ABR: variants seen among roughly 807,000 people sequenced by gnomAD.
ABR encodes ABR activator of RhoGEF and GTPase.
In ABR, 35 loss-of-function variants were observed where a neutral mutation model predicts 107.2. That is an observed-to-expected ratio of 0.33 (90% CI 0.25 to 0.43). ABR has a LOEUF of 0.43. ABR is among the 20% of genes least tolerant of loss of function. The pLI, the probability that ABR is intolerant of heterozygous loss-of-function variation, is 1.00. For missense variants in ABR, 815 were observed against 1,115.2 expected (o/e 0.73, Z 3.83); for synonymous variants, 498 against 462.0 (o/e 1.08, Z -1.00).
At chr17:1,028,102 C>T (rs182515157) in intron 16 of ABR, among the ~76,000 whole-genome samples, 167 of 152,060 alleles carry the variant, frequency 1.1e-3, no homozygotes, top group Non-Finnish European at 1.1e-3. Context: ...TTTCCTCCCC[C>T]CACCCCAAGA....
chr17:1,029,159 A>G (rs2072494938), intron 16 of ABR, among the ~76,000 whole-genome samples: 1 of 151,970 alleles, frequency 6.6e-6, no homozygotes, highest in Non-Finnish European at 1.5e-5. Context: ...GCGAAGTTCA[A>G]TACCGAGAGC....
At chr17:1,206,287 G>A (rs757768363) in intron 1 of ABR, among the ~76,000 whole-genome samples, 11 of 152,116 alleles carry the variant, frequency 7.2e-5, no homozygotes, top group Non-Finnish European at 1.3e-4. Context: ...GGGTTGTTGC[G>A]TGCACAACCG....
intron 1 of ABR, among the ~76,000 whole-genome samples, chr17:1,225,617 A>G (rs1432780228): frequency 1.3e-5 from 2 of 152,146 alleles, no homozygotes; most frequent in African/African-American, 2.4e-5. Context: ...ACGCCACTGC[A>G]CTCCAGTCTA....
At chr17:1,048,622 G>GC (rs1187415552) in intron 16 of ABR, among the ~76,000 whole-genome samples, 2 of 125,030 alleles carry the variant, frequency 1.6e-5, no homozygotes, top group African/African-American at 5.6e-5. Context: ...GCGCCCAGCT[G>GC]CGCCTGGATC....
Position 1,100,720 on chromosome 17 carries a change from C to G in ABR, c.262G>C (p.Gly88Arg), listed in dbSNP as rs2037805271. ...GLAPGVEAGK[G>R]LEMRKLVLSG... ...AGAACCAGCTTCCTCATCTCCAGGC[C>G]TTTCCCTGCTTCCACCTGCACAAAC... Residue 88 changes from glycine to arginine, a missense_variant, in exon 3 of 23, where the codon GGC becomes CGC. Gly to Arg is a moderately radical substitution (Grantham distance 125, BLOSUM62 -2). Coordinates refer to ENST00000302538, the MANE Select transcript of ABR (RefSeq NM_021962.5). The G allele has an allele frequency of 2.5e-6, 4 of 1,614,094 alleles. No individual in the cohort carries two copies. The African/African-American group carries it at 4.0e-5, about 16-fold the overall frequency.
At chr17:1,147,692 T>TAC (rs1039382154) in intron 1 of ABR, among the ~76,000 whole-genome samples, 27 of 152,174 alleles carry the variant, frequency 1.8e-4, no homozygotes, top group African/African-American at 5.8e-4. Flanking sequence ...CATGACCGGC[T>TAC]ACCCTAACAC....
Position 1,009,666 on chromosome 17 carries a change from C to T in ABR, c.2342+13G>A, listed in dbSNP as rs773104435. ...GGGACTGAGGAGGTGGGGTTGGGGC[C>T]GCTCCCCGTTACCTTTTCAAGTGTT... On this transcript the variant is annotated intron_variant, in intron 21 of 22. Transcript: ENST00000302538. 38 of 1,609,940 alleles carry T rather than the reference C, an allele frequency of 2.4e-5. No individual in the cohort carries two copies. Among genetic ancestry groups the T allele is most frequent in the Admixed American group, 2.0e-4 (12 of 59,992 alleles).
intron 5 of ABR, among the ~76,000 whole-genome samples, chr17:1,082,523 C>T (rs554853969): frequency 6.7e-6 from 1 of 150,312 alleles, no homozygotes; most frequent in Admixed American, 6.6e-5. Context: ...TGTTCCTGGC[C>T]AGGAAGGCTG....
At chr17:1,207,832 C>T (rs572739899) in intron 1 of ABR, among the ~76,000 whole-genome samples, 1 of 151,696 alleles carries the variant, frequency 6.6e-6, no homozygotes, top group Non-Finnish European at 1.5e-5. Flanking sequence ...TGCAGAGGTG[C>T]GATCTCGGCT....
chr17:1,102,625 T>C (rs914217260), intron 2 of ABR, among the ~76,000 whole-genome samples: 4 of 152,256 alleles, frequency 2.6e-5, no homozygotes, highest in Admixed American at 2.6e-4. Context: ...CTGGGCCGTA[T>C]GGCCGCAGGC....
At chr17:1,136,665 C>G (rs1300540840) in intron 1 of ABR, among the ~76,000 whole-genome samples, 2 of 152,208 alleles carry the variant, frequency 1.3e-5, no homozygotes, top group African/African-American at 2.4e-5. Flanking sequence ...TCTTTCCTGA[C>G]CCCTCATGAA....
chr17:1,058,218 C>A (rs910811931), intron 11 of ABR, among the ~76,000 whole-genome samples, 173 bp from the exon 12 acceptor site: 37 of 146,546 alleles, frequency 2.5e-4, no homozygotes, highest in Admixed American at 1.4e-4. Flanking sequence ...CGGCTCACTG[C>A]AACCTCCACC....
rs111259575 is a variant in ABR at position 1,117,173 on chromosome 17, T to C, written c.246+8010A>G. Among the ~76,000 whole-genome samples the C allele has an allele frequency of 7.1e-4, 39 of 55,150 alleles. 4 individuals are homozygous for C. Among genetic ancestry groups the C allele is most frequent in the African/African-American group, 2.8e-3 (32 of 11,442 alleles). 36.2% of individuals were successfully genotyped at this position (55,150 alleles called of 152,430 possible). On this transcript the variant is annotated intron_variant, in intron 2 of 22. Coordinates refer to ENST00000302538, the MANE Select transcript of ABR (RefSeq NM_021962.5). ...CCCAGCGTTATCCCTGAGCCTGAGT[T>C]CCTCCCAGCGTTATCCCTGAGCCTG... is the stretch of plus-strand genomic sequence containing the variant.
At chr17:1,025,538 C>T (rs1369391380) in intron 16 of ABR, among the ~76,000 whole-genome samples, 1 of 152,202 alleles carries the variant, frequency 6.6e-6, no homozygotes, top group Non-Finnish European at 1.5e-5. Context: ...GCCGCCGTCC[C>T]CTGACCCCAC....
intron 2 of ABR, chr17:1,108,967 G>T: frequency 6.3e-7 from 1 of 1,596,746 alleles, no homozygotes; most frequent in Non-Finnish European, 8.5e-7. Context: ...ACCCTGAGCC[G>T]GGGCTGGTCG....
intron 2 of ABR, among the ~76,000 whole-genome samples, chr17:1,114,469 C>CA (rs36105392): frequency 0.33 from 30,892 of 93,616 alleles, 4,010 homozygotes; most frequent in Middle Eastern, 0.43. Flanking sequence ...GACTCTGTCT[C>CA]AAAAAAAAAA....
intron 2 of ABR, 124 bp downstream of exon 2, chr17:1,125,059 C>T (rs982881015): frequency 5.1e-6 from 5 of 986,864 alleles, no homozygotes; most frequent in Non-Finnish European, 7.2e-6. Context: ...GCACCAAGAA[C>T]GGCCAGGTCC....
intron 22 of ABR, among the ~76,000 whole-genome samples, chr17:1,006,426 G>T (rs1426937603): frequency 1.3e-5 from 2 of 152,162 alleles, no homozygotes; most frequent in Non-Finnish European, 1.5e-5. Flanking sequence ...CCCCTGCTCT[G>T]GGTCTTGCAG....
At chr17:1,201,962 C>T (rs1244469450) in intron 1 of ABR, among the ~76,000 whole-genome samples, 1 of 150,836 alleles carries the variant, frequency 6.6e-6, no homozygotes, top group East Asian at 2.0e-4. Context: ...CAGGCGTGAG[C>T]CACCGCGCCC....
Sources: allele counts gnomAD v4.1 joint callset (sites outside exome capture counted in the v4.1 genomes callset), GRCh38; gene constraint gnomAD v4.1.1; transcripts MANE v1.5; gene names NCBI Gene and HGNC (gene_info 2026-07-23, HGNC 2026-07-21).